The following CATSPERD variants were observed in gnomAD, a reference collection of about 807,000 sequenced individuals.
CATSPERD encodes the protein catsper channel auxiliary subunit delta.
In CATSPERD, 86 loss-of-function variants were observed where a neutral mutation model predicts 98.1. The observed-to-expected ratio is 0.88, with a 90% CI of 0.74 to 1.05. The LOEUF is 1.05. CATSPERD is among the 50% of genes least tolerant of loss of function. The pLI, the probability that CATSPERD is intolerant of heterozygous loss-of-function variation, is 0.00. For synonymous variants in CATSPERD, 394 were observed against 390.2 expected (o/e 1.01, Z -0.12); for missense variants, 995 against 1,005.7 (o/e 0.99, Z 0.14).
intron 3 of CATSPERD, among the ~76,000 whole-genome samples, chr19:5,727,627 T>TG (rs1428387561): frequency 2.0e-5 from 3 of 152,118 alleles, no homozygotes; most frequent in Non-Finnish European, 4.4e-5. Context: ...AAGTTTCCAC[T>TG]GGGGAGTTGA....
rs371169735 is a variant in CATSPERD at position 5,778,429 on chromosome 19, T to A, written c.2150T>A (p.Val717Glu). ...ATCTACGTGTATGGAGCATTCCCCG[T>A]GCAGCTGGTCTCTGCTGGAGTCGTC... ...FSIYVYGAFP[V>E]QLVSAGVVIL... is the part of the protein sequence containing the mutation. Residue 717 changes from valine to glutamate, a missense_variant, in exon 22 of 22, where the codon GTG becomes GAG. Around this residue, in one of 3 missense-constraint regions of CATSPERD, gnomAD observed 762 missense variants for 773.7 expected, o/e 0.98. Transcript: ENST00000381624. 9.9e-6 allele frequency: 16 copies of A among 1,613,886 alleles called. No homozygotes were observed. Among genetic ancestry groups the A allele is most frequent in the Middle Eastern group, 3.3e-4 (2 of 6,062 alleles).
intron 20 of CATSPERD, chr19:5,775,184 G>T: frequency 4.3e-6 from 2 of 467,968 alleles, no homozygotes. Context: ...TGAGACCTTC[G>T]TTACAAGACT....
At position 5,772,966 on chromosome 19, in the gene CATSPERD, G is replaced by T. The variant is rs759840678; in HGVS notation, c.1941+1G>T. ...GGGGCCCTTCTTCTGGAACAGAGAGGTAACAGGACCCTAGGATCGTTTCCA... is the reference window on the plus strand; with the variant it reads ...GGGGCCCTTCTTCTGGAACAGAGAGTTAACAGGACCCTAGGATCGTTTCCA... On this transcript the variant is annotated splice_donor_variant, in intron 20 of 21. Coordinates refer to ENST00000381624, the MANE Select transcript of CATSPERD (RefSeq NM_152784.4). LOFTEE classifies it high-confidence loss of function. 1 of 1,613,408 alleles carries T rather than the reference G, an allele frequency of 6.2e-7. No individual in the cohort carries two copies.
At chr19:5,762,058 A>ATATATATATATATATATATATTTTTTTTT in intron 15 of CATSPERD, among the ~76,000 whole-genome samples, 3 of 10,434 alleles carry the variant, frequency 2.9e-4, no homozygotes, top group Non-Finnish European at 5.4e-4. Flanking sequence ...ATATATATAT[A>ATATATATATATATATATATATTTTTTTTT]TTTTTTTTTT....
intron 5 of CATSPERD, among the ~76,000 whole-genome samples, chr19:5,735,774 ATTT>A (rs34107835): frequency 9.8e-5 from 10 of 102,022 alleles, no homozygotes; most frequent in Admixed American, 1.2e-4. Flanking sequence ...TGCCCGGCTA[ATTT>A]TTTTTTTTTT....
chr19:5,777,060 C>A (rs188551222), intron 21 of CATSPERD, among the ~76,000 whole-genome samples: 2 of 152,148 alleles, frequency 1.3e-5, no homozygotes, highest in Non-Finnish European at 2.9e-5. Context: ...ATTATAAAGC[C>A]ACATCGAAGC....
chr19:5,771,198 C>A, intron 19 of CATSPERD, 126 bp downstream of exon 19: 3 of 1,103,196 alleles, frequency 2.7e-6, no homozygotes, highest in Non-Finnish European at 2.6e-6. Flanking sequence ...GTCACTGTTT[C>A]CCACCGTGCT....
At chr19:5,763,398 C>T in intron 16 of CATSPERD, 105 bp downstream of exon 16, 1 of 814,032 alleles carries the variant, frequency 1.2e-6, no homozygotes, top group Non-Finnish European at 2.1e-6. Context: ...CACTGCACTC[C>T]AACCTGGGTG....
chr19:5,773,038 C>G (rs1568376278), intron 20 of CATSPERD, 73 bp downstream of exon 20: 1 of 1,458,486 alleles, frequency 6.9e-7, no homozygotes, highest in Non-Finnish European at 9.4e-7. Context: ...GTGAGGACAC[C>G]GTGCGGCCAT....
intron 8 of CATSPERD, 90 bp downstream of exon 8, chr19:5,744,600 TA>T: frequency 1.1e-6 from 1 of 888,098 alleles, no homozygotes; most frequent in Non-Finnish European, 1.7e-6. Flanking sequence ...AACATTTATT[TA>T]TTTATTTAAT....
At position 5,778,673 on chromosome 19, in the gene CATSPERD, C is replaced by T. The variant is rs2056776627; in HGVS notation, c.2394C>T (p.His798=). 2 of 1,610,882 alleles carry T rather than the reference C, an allele frequency of 1.2e-6. No individual in the cohort carries two copies. The highest frequency in any genetic ancestry group is 1.7e-6 in the Non-Finnish European group (2 of 1,178,584). ...HRTPHGGRSD[H] Reference sequence around the variant, plus strand: ...CTCCTCACGGAGGCAGGTCTGACCACTGAGGCCGGTCCACAGGGTCCCAAC... The same window carrying T: ...CTCCTCACGGAGGCAGGTCTGACCATTGAGGCCGGTCCACAGGGTCCCAAC... Residue 798 remains histidine (H), a synonymous_variant, in exon 22 of 22, where the codon CAC becomes CAT. Transcript: ENST00000381624.
rs780587332 is a variant in CATSPERD at position 5,767,772 on chromosome 19, ATTTGT to A, written c.1560-392_1560-388del. On this transcript the variant is annotated intron_variant, in intron 17 of 21. Coordinates refer to ENST00000381624, the MANE Select transcript of CATSPERD (RefSeq NM_152784.4). Reference sequence around the variant, plus strand: ...GCGCCTGGCCTGCCCTCCCTTTTTTATTTGTTTTATTATTTTATTTTAATTTTTAT... The same window carrying A: ...GCGCCTGGCCTGCCCTCCCTTTTTTATTTATTATTTTATTTTAATTTTTAT... Among the ~76,000 whole-genome samples the A allele has an allele frequency of 3.1e-3, 195 of 63,930 alleles. 1 individual carries two copies. Among genetic ancestry groups the A allele is most frequent in the Middle Eastern group, 6.6e-3 (1 of 152 alleles). 41.9% of individuals were successfully genotyped at this position (63,930 alleles called of 152,430 possible).
At chr19:5,740,768 A>G (rs914490510) in intron 7 of CATSPERD, among the ~76,000 whole-genome samples, 6 of 150,058 alleles carry the variant, frequency 4.0e-5, no homozygotes, top group Admixed American at 2.0e-4. Context: ...GTCTCAAAAA[A>G]AAAAAAAAAA....
At chr19:5,740,518 C>T (rs964095082) in intron 7 of CATSPERD, among the ~76,000 whole-genome samples, 4 of 151,720 alleles carry the variant, frequency 2.6e-5, no homozygotes, top group African/African-American at 4.8e-5. Context: ...ACCCAGGAGG[C>T]GGAGGTTGCA....
At chr19:5,741,586 G>A (rs2055964487) in intron 7 of CATSPERD, among the ~76,000 whole-genome samples, 1 of 151,872 alleles carries the variant, frequency 6.6e-6, no homozygotes, top group East Asian at 1.9e-4. Flanking sequence ...TAGTACATTG[G>A]GGATTTCAGC....
intron 5 of CATSPERD, among the ~76,000 whole-genome samples, chr19:5,735,286 C>T (rs749406431): frequency 5.3e-5 from 8 of 149,994 alleles, no homozygotes; most frequent in South Asian, 2.1e-4. Context: ...CACAGGCACC[C>T]GCCACCACGC....
At chr19:5,774,841 ACC>A (rs927463855) in intron 20 of CATSPERD, among the ~76,000 whole-genome samples, 1 of 152,096 alleles carries the variant, frequency 6.6e-6, no homozygotes, top group Non-Finnish European at 1.5e-5. Context: ...ACATGGTGAA[ACC>A]CCGTCTCTAC....
intron 14 of CATSPERD, among the ~76,000 whole-genome samples, chr19:5,758,871 C>T (rs941699685): frequency 2.0e-5 from 3 of 149,100 alleles, no homozygotes; most frequent in Admixed American, 6.8e-5. Context: ...TTGCAGTGAG[C>T]CAAGATCGTG....
chr19:5,778,535 C>A lies in CATSPERD; in HGVS notation c.2256C>A (p.Gly752=). 6.2e-7 allele frequency: 1 copy of A among 1,614,010 alleles called. No individual in the cohort carries two copies. The highest frequency in any genetic ancestry group is 8.5e-7 in the Non-Finnish European group (1 of 1,180,034). ...KTPKLLRTAR[G]RRIKKCATQL... is the part of the protein sequence containing the mutation. Reference sequence around the variant, plus strand: ...CCAAGCTGCTACGCACAGCACGCGGCCGCAGGATCAAGAAGTGTGCGACAC... The same window carrying A: ...CCAAGCTGCTACGCACAGCACGCGGACGCAGGATCAAGAAGTGTGCGACAC... The change falls in exon 22 of 22, where the codon GGC becomes GGA. Residue 752 remains glycine (G), a synonymous_variant. Transcript: ENST00000381624.
Sources: allele counts gnomAD v4.1 joint callset (sites outside exome capture counted in the v4.1 genomes callset), GRCh38; gene constraint gnomAD v4.1.1; regional missense constraint gnomAD v4.1.1; transcripts MANE v1.5; gene names NCBI Gene and HGNC (gene_info 2026-07-23, HGNC 2026-07-21).